The following RIMS1 variants were observed in gnomAD, a reference collection of about 807,000 sequenced individuals.
The protein encoded by RIMS1 is regulating synaptic membrane exocytosis protein 1.
In RIMS1, 83 loss-of-function variants were observed where a neutral mutation model predicts 214.1. The observed-to-expected ratio is 0.39, with a 90% CI of 0.32 to 0.47. RIMS1 has a LOEUF of 0.47. Ranked by LOEUF, RIMS1 falls within the 20% of genes least tolerant of loss-of-function variation. The pLI, the probability that RIMS1 is intolerant of heterozygous loss-of-function variation, is 0.99. For missense variants in RIMS1, 2,050 were observed against 2,161.8 expected (o/e 0.95, Z 1.03); for synonymous variants, 793 against 786.8 (o/e 1.01, Z -0.13).
At chr6:72,318,497 G>A (rs536871776) in intron 28 of RIMS1, among the ~76,000 whole-genome samples, 3 of 152,156 alleles carry the variant, frequency 2.0e-5, no homozygotes, top group African/African-American at 7.2e-5. Context: ...TCCCCCATTT[G>A]CATATTCTTG....
intron 2 of RIMS1, among the ~76,000 whole-genome samples, chr6:72,009,183 C>T (rs1809211018): frequency 6.6e-6 from 1 of 152,294 alleles, no homozygotes; most frequent in South Asian, 2.1e-4. Context: ...CTCAAAACAG[C>T]TCAACTACAT....
chr6:71,931,550 G>A (rs1783046048), intron 1 of RIMS1, among the ~76,000 whole-genome samples: 1 of 151,836 alleles, frequency 6.6e-6, no homozygotes, highest in Admixed American at 6.6e-5. Context: ...AAGGTCTTTT[G>A]AAAAGTGTCT....
chr6:72,311,100 A>G (rs1242250263), intron 27 of RIMS1, among the ~76,000 whole-genome samples: 1 of 152,152 alleles, frequency 6.6e-6, no homozygotes, highest in Non-Finnish European at 1.5e-5. Context: ...ACTGCTTAAT[A>G]TTGTCAAATA....
chr6:71,995,466 G>T (rs1026179266), intron 2 of RIMS1, among the ~76,000 whole-genome samples: 2 of 151,290 alleles, frequency 1.3e-5, no homozygotes, highest in Non-Finnish European at 3.0e-5. Flanking sequence ...GTGTGTGTGT[G>T]TGTGTGTGTG....
chr6:72,042,725 T>C (rs1296768754), intron 2 of RIMS1, among the ~76,000 whole-genome samples: 5 of 151,826 alleles, frequency 3.3e-5, no homozygotes, highest in Non-Finnish European at 7.4e-5. Context: ...TAAATAACAA[T>C]CTGTTCTATC....
chr6:72,263,230 T>A, intron 19 of RIMS1: 20 of 984,786 alleles, frequency 2.0e-5, no homozygotes, highest in Non-Finnish European at 2.4e-5. Context: ...AATCTGTATG[T>A]TTAGTTTCTT....
chr6:72,142,399 G>A (rs1435011577), intron 4 of RIMS1, among the ~76,000 whole-genome samples: 1 of 152,000 alleles, frequency 6.6e-6, no homozygotes, highest in African/African-American at 2.4e-5. Context: ...ACAGAAAGTA[G>A]TAGAACATCG....
chr6:72,360,397 T>C (rs58755653), intron 29 of RIMS1, among the ~76,000 whole-genome samples: 5,878 of 152,316 alleles, frequency 0.039, 138 homozygotes, highest in Non-Finnish European at 0.053. Context: ...GCATCTGCTT[T>C]CAAACATATA....
chr6:71,949,045 C>T (rs1268032675), intron 1 of RIMS1, among the ~76,000 whole-genome samples: 1 of 152,146 alleles, frequency 6.6e-6, no homozygotes, highest in Non-Finnish European at 1.5e-5. Flanking sequence ...GCTGCCTTGT[C>T]CCTGGTGATT....
chr6:72,178,192 A>T, intron 4 of RIMS1, among the ~76,000 whole-genome samples: 1 of 152,102 alleles, frequency 6.6e-6, no homozygotes, highest in South Asian at 2.1e-4. Flanking sequence ...TTCAGTCTTA[A>T]TTTTTCCTAT....
At chr6:72,122,714 T>A in intron 4 of RIMS1, among the ~76,000 whole-genome samples, 1 of 151,878 alleles carries the variant, frequency 6.6e-6, no homozygotes, top group East Asian at 1.9e-4. Flanking sequence ...GGAAGGTGTA[T>A]GTGTCCAGGA....
In RIMS1 at chr6:72,182,423, A is replaced by G. The variant is rs191058922; in HGVS notation, c.952A>G (p.Arg318Gly). The change falls in exon 6 of 34, where the codon AGG (arginine) becomes GGG (glycine). Residue 318 changes from arginine to glycine, a missense_variant. Physicochemically the swap from Arg to Gly is moderately radical, Grantham distance 125. This residue lies in a region of RIMS1 where 882 missense variants were observed against 828.9 expected (regional missense o/e 1.06). Transcript: ENST00000521978. ...GCGCAAAGAAAGGCGGGAAAGCCGA[A>G]GGCTTGAGAAAGGGCGATCACAGGA... Reference protein sequence around the residue: ...RERKERRESRRLEKGRSQDYP... With the variant: ...RERKERRESRGLEKGRSQDYP... 2.5e-6 allele frequency: 4 copies of G among 1,613,966 alleles called. No homozygotes were observed. The highest frequency in any genetic ancestry group is 3.3e-5 in the Admixed American group (2 of 60,034).
At chr6:72,180,060 C>T (rs888410109) in intron 5 of RIMS1, 145 bp downstream of exon 5, 22 of 510,340 alleles carry the variant, frequency 4.3e-5, no homozygotes, top group African/African-American at 3.8e-4. Context: ...GCCTGAGGGG[C>T]GTTGTCTATC....
intron 2 of RIMS1, among the ~76,000 whole-genome samples, chr6:72,040,441 C>G (rs746313976): frequency 8.5e-5 from 13 of 152,070 alleles, no homozygotes; most frequent in African/African-American, 1.2e-4. Flanking sequence ...TAGGACAATA[C>G]TTTTATTTTA....
At chr6:72,014,607 A>T (rs1247188478) in intron 2 of RIMS1, among the ~76,000 whole-genome samples, 1 of 151,684 alleles carries the variant, frequency 6.6e-6, no homozygotes, top group Non-Finnish European at 1.5e-5. Flanking sequence ...TTTGTTTTCA[A>T]TTTTTTTTGA....
chr6:72,202,140 A>G (rs543317654), intron 6 of RIMS1, among the ~76,000 whole-genome samples: 9 of 152,350 alleles, frequency 5.9e-5, no homozygotes, highest in Non-Finnish European at 8.8e-5. Context: ...GGGCAGATCT[A>G]ATTTTAATTC....
At chr6:71,988,334 A>G (rs1339721821) in intron 2 of RIMS1, among the ~76,000 whole-genome samples, 2 of 151,838 alleles carry the variant, frequency 1.3e-5, no homozygotes, top group Non-Finnish European at 2.9e-5. Flanking sequence ...TTCCTTGTCT[A>G]TCTTATTCTT....
chr6:72,233,560 G>A (rs1467760457), intron 6 of RIMS1, among the ~76,000 whole-genome samples: 1 of 151,242 alleles, frequency 6.6e-6, no homozygotes, highest in Non-Finnish European at 1.5e-5. Flanking sequence ...GAGAGAAAAA[G>A]GTAGTCATTC....
At chr6:71,986,190 G>GTTTTTT (rs35395914) in intron 2 of RIMS1, among the ~76,000 whole-genome samples, 25 of 131,750 alleles carry the variant, frequency 1.9e-4, no homozygotes, top group Non-Finnish European at 2.0e-4. Flanking sequence ...TTTGGGTTTT[G>GTTTTTT]TTTTTTTTTT....
Sources: gnomAD v4.1 joint callset for allele counts (sites outside exome capture counted in the v4.1 genomes callset) on GRCh38, gnomAD v4.1.1 for gene constraint, gnomAD v4.1.1 regional missense constraint, MANE v1.5 for transcripts, NCBI Gene and HGNC (gene_info 2026-07-23, HGNC 2026-07-21) for gene names.